Variants in ARPP21 observed in about 807,000 individuals in gnomAD.
ARPP21 encodes the protein cAMP-regulated phosphoprotein 21.
In ARPP21, 69 loss-of-function variants were observed where a neutral mutation model predicts 113.2. The observed-to-expected ratio is 0.61, with a 90% CI of 0.50 to 0.74. The LOEUF (loss-of-function observed/expected upper bound fraction) is 0.74. Among genes scored for constraint, ARPP21 ranks in the 30% least tolerant of loss-of-function variants. ARPP21 has a pLI of 0.00. For missense variants in ARPP21, 1,070 were observed against 1,037.4 expected (o/e 1.03, Z -0.43); for synonymous variants, 368 against 375.5 (o/e 0.98, Z 0.23).
chr3:35,689,442 A>C (rs2081585245), intron 7 of ARPP21, 57 bp downstream of exon 7: 7 of 884,062 alleles, frequency 7.9e-6, no homozygotes, highest in Non-Finnish European at 1.3e-5. Flanking sequence ...TATTACAATC[A>C]AAGTTATTAA....
At position 35,738,086 on chromosome 3, in the gene ARPP21, T is replaced by G. The variant is rs944468868; in HGVS notation, c.1645-128T>G. 5.0e-6 allele frequency: 3 copies of G among 597,834 alleles called. No homozygotes were observed. The African/African-American group carries it at 5.6e-5, about 11-fold the overall frequency. The allele number at this position is 597,834 out of a possible 1,614,324, so 37.0% of individuals were successfully genotyped here. On this transcript the variant is annotated intron_variant, in intron 16 of 20. Coordinates refer to ENST00000684406, the MANE Select transcript of ARPP21 (RefSeq NM_001385562.1). The stretch of plus-strand genomic sequence containing the variant: ...GGTCTTTCAGAGCCTTGACTTTCCT[T>G]TGGTGGCTAGTTCCCCTCTCTGGAG...
chr3:35,723,391 C>T (rs758947282), intron 14 of ARPP21, among the ~76,000 whole-genome samples: 32 of 152,154 alleles, frequency 2.1e-4, no homozygotes, highest in Non-Finnish European at 4.3e-4. Context: ...AATACACACA[C>T]CCTGATTCTT....
intron 11 of ARPP21, among the ~76,000 whole-genome samples, chr3:35,714,376 G>A (rs887480073): frequency 1.3e-5 from 2 of 152,082 alleles, no homozygotes; most frequent in Admixed American, 1.3e-4. Context: ...TCTCAGAAGT[G>A]GTTACATTAG....
At chr3:35,697,974 A>T (rs528679764) in intron 9 of ARPP21, among the ~76,000 whole-genome samples, 1 of 151,578 alleles carries the variant, frequency 6.6e-6, no homozygotes, top group African/African-American at 2.4e-5. Context: ...TTAAAAATCT[A>T]TGAGTGGTTG....
At chr3:35,725,421 A>T (rs1559754385) in intron 14 of ARPP21, among the ~76,000 whole-genome samples, 1 of 152,184 alleles carries the variant, frequency 6.6e-6, no homozygotes, top group Non-Finnish European at 1.5e-5. Flanking sequence ...TGAGGGGAAC[A>T]TTAAGGTCAT....
At chr3:35,658,014 T>C (rs1705814148) in intron 1 of ARPP21, among the ~76,000 whole-genome samples, 1 of 152,152 alleles carries the variant, frequency 6.6e-6, no homozygotes, top group African/African-American at 2.4e-5. Flanking sequence ...ACATTACTGA[T>C]AAAAAGTAAT....
At chr3:35,704,082 C>G (rs2087639816) in intron 9 of ARPP21, among the ~76,000 whole-genome samples, 1 of 151,786 alleles carries the variant, frequency 6.6e-6, no homozygotes, top group Non-Finnish European at 1.5e-5. Flanking sequence ...TTATTAGATT[C>G]ACTTGAATTT....
At chr3:35,786,441 T>A (rs1384117545) in intron 19 of ARPP21, among the ~76,000 whole-genome samples, 1 of 150,790 alleles carries the variant, frequency 6.6e-6, no homozygotes, top group Non-Finnish European at 1.5e-5. Flanking sequence ...AGGAGGAGAA[T>A]CATTTGAACC....
chr3:35,687,562 A>T lies in ARPP21; in HGVS notation c.262-177A>T, dbSNP rs116554346. 6.4e-3 allele frequency among the ~76,000 whole-genome samples: 977 copies of T among 151,490 alleles called. 11 individuals carry two copies. The highest frequency in any genetic ancestry group is 0.023 in the African/African-American group (939 of 41,452). ...CTTATGACCTCCCATTGACTCCTGA[A>T]GATTAAGTCATTTTAAAGGGCAATT... On this transcript the variant is annotated intron_variant, in intron 5 of 20. Coordinates refer to ENST00000684406, the MANE Select transcript of ARPP21 (RefSeq NM_001385562.1).
intron 14 of ARPP21, among the ~76,000 whole-genome samples, chr3:35,727,422 G>A (rs144437029): frequency 6.0e-4 from 91 of 152,264 alleles, no homozygotes; most frequent in African/African-American, 2.1e-3. Context: ...TTATTCAAGT[G>A]CTTACGCATA....
chr3:35,761,291 A>G (rs2095766234), intron 19 of ARPP21, among the ~76,000 whole-genome samples: 1 of 152,102 alleles, frequency 6.6e-6, no homozygotes, highest in Non-Finnish European at 1.5e-5. Flanking sequence ...TTAAAACTAT[A>G]AGGTGGGTGG....
chr3:35,674,342 T>G (rs973473762), intron 1 of ARPP21, among the ~76,000 whole-genome samples: 5 of 152,026 alleles, frequency 3.3e-5, no homozygotes, highest in Non-Finnish European at 7.4e-5. Context: ...ATCCACAAGA[T>G]CCCAACAGTA....
intron 9 of ARPP21, among the ~76,000 whole-genome samples, chr3:35,697,893 A>G (rs2084681603): frequency 6.6e-6 from 1 of 151,676 alleles, no homozygotes. Flanking sequence ...TAAACTGAGC[A>G]TCATCCTGAT....
At chr3:35,749,782 T>C (rs1224500686) in intron 19 of ARPP21, among the ~76,000 whole-genome samples, 2 of 152,244 alleles carry the variant, frequency 1.3e-5, no homozygotes, top group South Asian at 2.1e-4. Context: ...TTTGCTTAGT[T>C]TGGGTAGTTT....
intron 2 of ARPP21, chr3:35,681,193 C>T (rs986118853): frequency 3.3e-5 from 5 of 151,808 alleles, no homozygotes; most frequent in African/African-American, 1.2e-4. Context: ...AATTAGATAC[C>T]ATATTTATGC....
intron 1 of ARPP21, chr3:35,643,544 C>T (rs999910457): frequency 6.6e-6 from 1 of 152,018 alleles, no homozygotes; most frequent in Non-Finnish European, 1.5e-5. Flanking sequence ...CATCGGAATT[C>T]AATGTCTATT....
At chr3:35,726,201 CT>C (rs796734744) in intron 14 of ARPP21, among the ~76,000 whole-genome samples, 23 of 152,348 alleles carry the variant, frequency 1.5e-4, no homozygotes, top group African/African-American at 5.3e-4. Flanking sequence ...ATCAGAAATA[CT>C]TTTAACTCTC....
rs904294051 is a variant in ARPP21 at position 35,759,915 on chromosome 3, A to T, written c.2137+15950A>T. Reference sequence around the variant, plus strand: ...AAAGTGTTCTTATAATATGGCCAACAAACACTAACACTTTGGATTGTTTTA... The same window carrying T: ...AAAGTGTTCTTATAATATGGCCAACTAACACTAACACTTTGGATTGTTTTA... On this transcript the variant is annotated intron_variant, in intron 19 of 20. Transcript: ENST00000684406. Among the ~76,000 whole-genome samples, 16 of 152,214 alleles carry T rather than the reference A, an allele frequency of 1.1e-4. No individual in the cohort carries two copies. The East Asian group carries it at 1.6e-3, about 15-fold the overall frequency.
chr3:35,747,391 C>T (rs1184641194), intron 19 of ARPP21, among the ~76,000 whole-genome samples: 1 of 147,910 alleles, frequency 6.8e-6, no homozygotes, highest in Non-Finnish European at 1.5e-5. Flanking sequence ...ACACTAATGT[C>T]GAGAAAGTTT....
Sources: gnomAD v4.1 joint callset for allele counts (sites outside exome capture counted in the v4.1 genomes callset) on GRCh38, gnomAD v4.1.1 for gene constraint, MANE v1.5 for transcripts, NCBI Gene and HGNC (gene_info 2026-07-23, HGNC 2026-07-21) for gene names.